GLYATL2: variants seen among roughly 807,000 people sequenced by gnomAD.
GLYATL2 encodes the protein glycine N-acyltransferase-like protein 2.
GLYATL2 carries 25 observed loss-of-function variants against 21.4 expected under a neutral mutation model. The ratio of observed to expected loss-of-function variants is 1.17; its 90% CI spans 0.85 to 1.63. The LOEUF (loss-of-function observed/expected upper bound fraction) is 1.63, where lower values mean the gene tolerates loss of function less well. GLYATL2 is among the 40% of genes most tolerant of loss of function. The pLI, the probability that GLYATL2 is intolerant of heterozygous loss-of-function variation, is 0.00. For missense variants in GLYATL2, 361 were observed against 343.3 expected (o/e 1.05, Z -0.41); for synonymous variants, 114 against 118.2 (o/e 0.96, Z 0.23).
chr11:58,853,505 G>A (rs960352799), intron 1 of GLYATL2, among the ~76,000 whole-genome samples: 7 of 152,134 alleles, frequency 4.6e-5, no homozygotes, highest in African/African-American at 9.7e-5. Flanking sequence ...AGGATACTGA[G>A]GGACGACTGT....
chr11:58,880,466 A>T (rs1854313284), intron 1 of GLYATL2, among the ~76,000 whole-genome samples: 1 of 152,216 alleles, frequency 6.6e-6, no homozygotes. Flanking sequence ...TTCTCAAGAC[A>T]GATGGAACAC....
chr11:58,865,763 A>G (rs553579944), intron 1 of GLYATL2, among the ~76,000 whole-genome samples: 13 of 149,112 alleles, frequency 8.7e-5, no homozygotes, highest in African/African-American at 3.1e-4. Context: ...CCACTGTTTT[A>G]GGACATGACT....
chr11:58,844,538 A>C lies in GLYATL2; in HGVS notation c.-145T>G, dbSNP rs1246304147. 6.6e-6 allele frequency: 1 copy of C among 152,208 alleles called. No individual in the cohort carries two copies. The highest frequency in any genetic ancestry group is 1.9e-4 in the East Asian group (1 of 5,188). The allele number at this position is 152,208 out of a possible 1,614,324, so 9.4% of individuals were successfully genotyped here. ...ATACTCTACGGACTGAAACACAATA[A>C]AATTCAACTGACTCACGTTGTCACT... On this transcript the variant is annotated 5_prime_UTR_variant, in exon 1 of 6. Transcript: ENST00000287275.
At chr11:58,856,418 A>G (rs183925285) in intron 1 of GLYATL2, among the ~76,000 whole-genome samples, 1 of 152,314 alleles carries the variant, frequency 6.6e-6, no homozygotes, top group Non-Finnish European at 1.5e-5. Context: ...AATTTCCTTC[A>G]AAGATTTTTC....
chr11:58,852,761 C>A (rs1010227836), intron 1 of GLYATL2, among the ~76,000 whole-genome samples: 1 of 152,150 alleles, frequency 6.6e-6, no homozygotes, highest in African/African-American at 2.4e-5. Flanking sequence ...TCTCTTTAAT[C>A]GTTAACTACT....
chr11:58,852,108 T>C (rs952895531), intron 1 of GLYATL2, among the ~76,000 whole-genome samples: 1 of 152,246 alleles, frequency 6.6e-6, no homozygotes, highest in African/African-American at 2.4e-5. Flanking sequence ...TTAAGATATT[T>C]TCATGACTGT....
chr11:58,843,647 T>C (rs1853592332), intron 1 of GLYATL2, among the ~76,000 whole-genome samples: 1 of 151,980 alleles, frequency 6.6e-6, no homozygotes, highest in South Asian at 2.1e-4. Flanking sequence ...TGGAGACCAA[T>C]AAAGTAAGAA....
In GLYATL2 at chr11:58,893,549, G is replaced by C. The variant is rs200950521; in HGVS notation, n.60+10607C>G. The C allele has an allele frequency of 1.9e-4, 29 of 156,252 alleles. No individual in the cohort carries two copies. In the East Asian group the frequency reaches 4.6e-3, roughly 25 times the overall value. 9.7% of individuals were successfully genotyped at this position (156,252 alleles called of 1,614,324 possible). ...ATAGCTTTCTTCACTTACAAATGTT[G>C]ATTGAGCATTTATTATATGCCAGGA... On this transcript the variant is annotated intron_variant and non_coding_transcript_variant, in intron 1 of 4. Transcript: ENST00000533636.
At chr11:58,890,134 G>T (rs935058205) in intron 1 of GLYATL2, among the ~76,000 whole-genome samples, 2 of 152,008 alleles carry the variant, frequency 1.3e-5, no homozygotes, top group Non-Finnish European at 2.9e-5. Context: ...AGTGTCTATT[G>T]TTCCTACATT....
chr11:58,875,378 C>T (rs1310988801), intron 1 of GLYATL2, among the ~76,000 whole-genome samples: 3 of 152,148 alleles, frequency 2.0e-5, no homozygotes, highest in Non-Finnish European at 4.4e-5. Flanking sequence ...CAGTTTCTTC[C>T]TAGCATTGAT....
intron 1 of GLYATL2, among the ~76,000 whole-genome samples, chr11:58,888,406 A>T (rs1052910347): frequency 1.3e-5 from 2 of 151,946 alleles, no homozygotes; most frequent in Admixed American, 6.6e-5. Context: ...AAGATCATAC[A>T]AGTGTTTTCT....
chr11:58,906,060 G>T (rs889049062), upstream of GLYATL2, among the ~76,000 whole-genome samples: 2 of 152,182 alleles, frequency 1.3e-5, no homozygotes, highest in African/African-American at 4.8e-5. Flanking sequence ...CCTGCGAATC[G>T]GGAGCAGCGG....
chr11:58,890,429 T>C (rs550101402), intron 1 of GLYATL2, among the ~76,000 whole-genome samples: 1 of 152,202 alleles, frequency 6.6e-6, no homozygotes, highest in Admixed American at 6.5e-5. Flanking sequence ...GAGGTGCCCA[T>C]CAATAGTAGA....
chr11:58,856,085 C>T (rs543446834), intron 1 of GLYATL2, among the ~76,000 whole-genome samples: 2 of 152,042 alleles, frequency 1.3e-5, no homozygotes, highest in African/African-American at 2.4e-5. Context: ...GAGCCCTGAT[C>T]GCTGCACCAC....
At chr11:58,851,369 T>A (rs1853738376) in intron 1 of GLYATL2, among the ~76,000 whole-genome samples, 1 of 152,238 alleles carries the variant, frequency 6.6e-6, no homozygotes, top group Non-Finnish European at 1.5e-5. Flanking sequence ...TCTTTCATTC[T>A]GTTGATATGG....
rs149968083 is a variant in GLYATL2, at chr11:58,865,757, T to A, written n.61-27389A>T. On this transcript the variant is annotated intron_variant and non_coding_transcript_variant, in intron 1 of 4. Transcript: ENST00000533636. Reference sequence around the variant, plus strand: ...GAAGGCAGGTGTCTTTCTTAACCACTGTTTTAGGACATGACTTTAGAGAAC... The same window carrying A: ...GAAGGCAGGTGTCTTTCTTAACCACAGTTTTAGGACATGACTTTAGAGAAC... Among the ~76,000 whole-genome samples, 848 of 149,024 alleles carry A rather than the reference T, an allele frequency of 5.7e-3. 28 individuals carry two copies. Among genetic ancestry groups the A allele is most frequent in the African/African-American group, 0.019 (795 of 41,334 alleles).
At chr11:58,905,811 A>C (rs374197308), upstream of GLYATL2, 9 of 381,570 alleles carry the variant, frequency 2.4e-5, no homozygotes, top group African/African-American at 1.7e-4. Context: ...GCGTGCGCCC[A>C]GGCGTGCACT....
rs372473608 is a variant in GLYATL2 at position 58,854,264 on chromosome 11, A to G, written n.61-15896T>C. On this transcript the variant is annotated intron_variant and non_coding_transcript_variant, in intron 1 of 4. Transcript: ENST00000533636. The stretch of plus-strand genomic sequence containing the variant: ...TATTGTGAATAATTCTACAATGTAC[A>G]TAGAAGTGCAGATATCTGTTTAACA... Among the ~76,000 whole-genome samples, 191 of 152,336 alleles carry G rather than the reference A, an allele frequency of 1.3e-3. 1 individual carries two copies. Among genetic ancestry groups the G allele is most frequent in the African/African-American group, 4.4e-3 (181 of 41,570 alleles).
chr11:58,874,554 G>C (rs566287503), intron 1 of GLYATL2, among the ~76,000 whole-genome samples: 56 of 152,344 alleles, frequency 3.7e-4, no homozygotes, highest in African/African-American at 1.3e-3. Context: ...GTACCCAGTA[G>C]TCATTCAGGA....
Sources: gnomAD v4.1 joint callset for allele counts (sites outside exome capture counted in the v4.1 genomes callset) on GRCh38, gnomAD v4.1.1 for gene constraint, MANE v1.5 for transcripts, NCBI Gene and HGNC (gene_info 2026-07-23, HGNC 2026-07-21) for gene names.